The following DMD variants were observed in gnomAD, a reference collection of about 807,000 sequenced individuals.
DMD encodes the protein mutant dystrophin.
In DMD, 63 loss-of-function variants were observed where a neutral mutation model predicts 330.1. That is an observed-to-expected ratio of 0.19 (90% CI 0.16 to 0.24). The LOEUF (loss-of-function observed/expected upper bound fraction) is 0.24. Ranked by LOEUF, DMD falls within the 10% of genes least tolerant of loss-of-function variation. The pLI is 1.00. For missense variants in DMD, 3,344 were observed against 2,684.1 expected, an observed-to-expected ratio of 1.25 and a Z score of -5.43; for synonymous variants, 1,223 against 959.8, an observed-to-expected ratio of 1.27 and a Z score of -5.07.
chrX:33,112,731 T>A (rs150482463), intron 1 of DMD, among the ~76,000 whole-genome samples: 5 of 110,861 alleles, frequency 4.5e-5, no homozygotes, highest in African/African-American at 1.6e-4. Flanking sequence ...TATTAATATA[T>A]TCACTATATG....
At chrX:32,427,695 T>C (rs1316432637) in intron 29 of DMD, among the ~76,000 whole-genome samples, 2 of 111,261 alleles carry the variant, frequency 1.8e-5, no homozygotes, top group African/African-American at 6.5e-5. Flanking sequence ...ACTGAGTTTG[T>C]TGATGACTGG....
chrX:31,360,360 C>T (rs1158762617), intron 60 of DMD, among the ~76,000 whole-genome samples: 2 of 111,773 alleles, frequency 1.8e-5, no homozygotes, highest in African/African-American at 6.5e-5. Flanking sequence ...CATTTTCTTC[C>T]CCATTCCCTG....
chrX:32,664,823 G>A (rs1234492586), intron 9 of DMD, among the ~76,000 whole-genome samples: 2 of 111,986 alleles, frequency 1.8e-5, no homozygotes, highest in African/African-American at 6.5e-5. Context: ...CTTACAGACA[G>A]TATTTGATGC....
chrX:31,616,042 C>T (rs2078180482), intron 55 of DMD, among the ~76,000 whole-genome samples: 1 of 111,664 alleles, frequency 9.0e-6, no homozygotes, highest in South Asian at 3.7e-4. Flanking sequence ...GATTTATGCT[C>T]CATAATCTGA....
chrX:31,373,836 A>C lies in DMD; in HGVS notation c.9085-25202T>G, dbSNP rs564807553. On this transcript the variant is annotated intron_variant, in intron 60 of 78. Coordinates refer to ENST00000357033, the MANE Select transcript of DMD (RefSeq NM_004006.3). ...TTGACAAATGGGATCTAATTAAACTAAAGAGCTTCTGCACAGCAAAAGAAA... is the reference window on the plus strand; with the variant it reads ...TTGACAAATGGGATCTAATTAAACTCAAGAGCTTCTGCACAGCAAAAGAAA... Among the ~76,000 whole-genome samples the C allele has an allele frequency of 1.6e-3, 171 of 107,675 alleles. 1 individual carries two copies. Among genetic ancestry groups the C allele is most frequent in the Non-Finnish European group, 1.7e-3 (88 of 51,976 alleles). 93.5% of individuals were successfully genotyped at this position (107,675 alleles called of 115,157 possible).
At chrX:32,493,587 G>T (rs74598831) in intron 19 of DMD, among the ~76,000 whole-genome samples, 1 of 111,461 alleles carries the variant, frequency 9.0e-6, no homozygotes, top group African/African-American at 3.3e-5. Flanking sequence ...TTTGTTAAGC[G>T]ATGCGATTAA....
At chrX:32,573,018 G>T (rs888269501) in intron 15 of DMD, among the ~76,000 whole-genome samples, 6 of 111,396 alleles carry the variant, frequency 5.4e-5, no homozygotes, top group Non-Finnish European at 1.1e-4. Context: ...CACTTACCAG[G>T]AGCAGATGCT....
At chrX:32,051,110 G>A (rs1284186097) in intron 44 of DMD, among the ~76,000 whole-genome samples, 1 of 108,723 alleles carries the variant, frequency 9.2e-6, no homozygotes, top group Non-Finnish European at 1.9e-5. Context: ...CACATCACCC[G>A]ACTTTCAGGC....
At chrX:31,403,687 A>G (rs2061292427) in intron 60 of DMD, among the ~76,000 whole-genome samples, 1 of 112,063 alleles carries the variant, frequency 8.9e-6, no homozygotes, top group South Asian at 3.7e-4. Context: ...ATCTATTTGT[A>G]GGGTTTAAAA....
chrX:32,319,886 A>C (rs768929884), intron 41 of DMD, among the ~76,000 whole-genome samples: 2 of 110,731 alleles, frequency 1.8e-5, no homozygotes, highest in East Asian at 5.7e-4. Flanking sequence ...TCTTCTCATA[A>C]AAGTTTTCGT....
At chrX:31,261,064 T>A in intron 62 of DMD, 48 bp from the exon 63 acceptor site, 2 of 1,074,913 alleles carry the variant, frequency 1.9e-6, no homozygotes, top group Middle Eastern at 2.5e-4. Context: ...CAATGAGTAG[T>A]CAAGAAAACA....
At chrX:32,828,583 A>T (rs1341078880) in intron 4 of DMD, among the ~76,000 whole-genome samples, 1 of 109,800 alleles carries the variant, frequency 9.1e-6, no homozygotes, top group Non-Finnish European at 1.9e-5. Flanking sequence ...ATATATATCT[A>T]TACATCTATA....
At chrX:31,209,400 G>T in intron 65 of DMD, 98 bp downstream of exon 65, 1 of 852,722 alleles carries the variant, frequency 1.2e-6, no homozygotes, top group Non-Finnish European at 1.8e-6. Flanking sequence ...TAGGTCCACA[G>T]CTTCCAGGGC....
chrX:32,897,532 T>C (rs1013265353), intron 2 of DMD, among the ~76,000 whole-genome samples: 1 of 112,040 alleles, frequency 8.9e-6, no homozygotes, highest in African/African-American at 3.2e-5. Flanking sequence ...ATCCATTAAT[T>C]GTTCTGTCTG....
At chrX:31,795,883 C>G (rs1368150528) in intron 50 of DMD, among the ~76,000 whole-genome samples, 1 of 111,545 alleles carries the variant, frequency 9.0e-6, no homozygotes, top group East Asian at 2.8e-4. Context: ...TACCAAAGAG[C>G]CTATTATGAC....
At chrX:32,601,922 T>C (rs2056252256) in intron 12 of DMD, among the ~76,000 whole-genome samples, 1 of 112,173 alleles carries the variant, frequency 8.9e-6, no homozygotes, top group Non-Finnish European at 1.9e-5. Flanking sequence ...CATATTTATA[T>C]CAAAGTTTTG....
chrX:31,418,824 T>C (rs777064051), intron 60 of DMD, among the ~76,000 whole-genome samples: 53 of 112,855 alleles, frequency 4.7e-4, no homozygotes, highest in Admixed American at 1.8e-3. Flanking sequence ...TTCATGCAAA[T>C]GTCTTAGATT....
chrX:32,524,602 A>G (rs897127257), intron 17 of DMD, among the ~76,000 whole-genome samples: 1 of 112,144 alleles, frequency 8.9e-6, no homozygotes, highest in Admixed American at 9.4e-5. Flanking sequence ...GGTTATCTCC[A>G]CACAAAGAAG....
At chrX:32,897,587 C>T (rs538667514) in intron 2 of DMD, among the ~76,000 whole-genome samples, 1 of 112,392 alleles carries the variant, frequency 8.9e-6, no homozygotes, top group Admixed American at 9.4e-5. Context: ...TATGCTTTAG[C>T]AACTTGAAAT....
Sources: gnomAD v4.1 joint callset for allele counts (sites outside exome capture counted in the v4.1 genomes callset) on GRCh38, gnomAD v4.1.1 for gene constraint, MANE v1.5 for transcripts, NCBI Gene and HGNC (gene_info 2026-07-23, HGNC 2026-07-21) for gene names.